CR1L: variants seen among roughly 807,000 people sequenced by gnomAD.
The protein encoded by CR1L is complement component receptor 1-like protein.
Under a neutral mutation model 62.3 loss-of-function variants are expected in CR1L, and 59 were observed. The observed-to-expected ratio is 0.95, with a 90% CI of 0.77 to 1.18. The LOEUF is 1.18. Ranked by LOEUF, CR1L falls within the 50% of genes most tolerant of loss-of-function variation. The pLI is 0.00. For missense variants in CR1L, 700 were observed against 702.8 expected (o/e 1.00, Z 0.04); for synonymous variants, 279 against 248.7 (o/e 1.12, Z -1.15).
chr1:207,674,193 A>G (rs933611919), intron 1 of CR1L, among the ~76,000 whole-genome samples: 2 of 152,178 alleles, frequency 1.3e-5, no homozygotes, highest in Admixed American at 1.3e-4. Flanking sequence ...AAGGAAGTGG[A>G]TGTTTGGATG....
chr1:207,713,753 G>A (rs947303617), intron 10 of CR1L, among the ~76,000 whole-genome samples: 1 of 152,248 alleles, frequency 6.6e-6, no homozygotes, highest in East Asian at 1.9e-4. Context: ...GGGTCCCCAC[G>A]ACCCCGAAGC....
chr1:207,664,617 T>A (rs1276428644), intron 1 of CR1L, among the ~76,000 whole-genome samples: 2 of 152,236 alleles, frequency 1.3e-5, no homozygotes, highest in Admixed American at 6.5e-5. Context: ...ATACTAAGTT[T>A]GTTGATACAG....
rs1218669416 is a variant in CR1L, at chr1:207,715,055, T to C, written c.1415-2409T>C. ...GTGATGCTGGGCTATGAAGTTTATATGGCACTTCAGCTCTGATTGCTTTGC... is the reference window on the plus strand; with the variant it reads ...GTGATGCTGGGCTATGAAGTTTATACGGCACTTCAGCTCTGATTGCTTTGC... On this transcript the variant is annotated intron_variant, in intron 10 of 11. Transcript: ENST00000508064. 2.6e-5 allele frequency among the ~76,000 whole-genome samples: 4 copies of C among 152,314 alleles called. No individual in the cohort carries two copies. In the East Asian group the frequency reaches 7.7e-4, roughly 29 times the overall value.
chr1:207,663,713 G>C lies in CR1L; in HGVS notation c.98-13676G>C, dbSNP rs192287224. Among the ~76,000 whole-genome samples, 34 of 152,276 alleles carry C rather than the reference G, an allele frequency of 2.2e-4. 1 individual carries two copies. Among genetic ancestry groups the C allele is most frequent in the African/African-American group, 8.2e-4 (34 of 41,568 alleles). The stretch of plus-strand genomic sequence containing the variant: ...GAAATGCAGAAATCACCCGTCTTCT[G>C]TGTCGCTCACACTGGGAGCTGTAGA... On this transcript the variant is annotated intron_variant, in intron 1 of 11. Transcript: ENST00000508064.
chr1:207,704,807 C>G (rs1293893841), intron 9 of CR1L, among the ~76,000 whole-genome samples: 4 of 152,176 alleles, frequency 2.6e-5, no homozygotes, highest in African/African-American at 9.7e-5. Context: ...ACAAACACAA[C>G]TTTTAGACTC....
chr1:207,714,014 C>G (rs756846426), intron 10 of CR1L, among the ~76,000 whole-genome samples: 1 of 152,240 alleles, frequency 6.6e-6, no homozygotes, highest in Admixed American at 6.5e-5. Context: ...CACTGTATTA[C>G]AGCCTTCTTC....
At chr1:207,710,901 T>G in intron 10 of CR1L, 1 of 1,053,754 alleles carries the variant, frequency 9.5e-7, no homozygotes, top group Non-Finnish European at 1.4e-6. Context: ...GAAAGTAAGT[T>G]TTGGGGGAAG....
intron 3 of CR1L, among the ~76,000 whole-genome samples, chr1:207,681,623 A>C (rs1047970106): frequency 4.6e-5 from 7 of 152,212 alleles, no homozygotes; most frequent in African/African-American, 1.4e-4. Context: ...TCAGTACTAC[A>C]ACACTGAACA....
At chr1:207,650,598 T>C (rs1455717109) in intron 1 of CR1L, among the ~76,000 whole-genome samples, 3 of 152,178 alleles carry the variant, frequency 2.0e-5, no homozygotes, top group African/African-American at 4.8e-5. Flanking sequence ...AAAAAGGTTT[T>C]AAATAGATTG....
chr1:207,695,499 G>A (rs1184375915), intron 5 of CR1L, among the ~76,000 whole-genome samples: 3 of 152,124 alleles, frequency 2.0e-5, no homozygotes, highest in Non-Finnish European at 4.4e-5. Context: ...CTTGCAGACT[G>A]AAGACTGAAA....
At chr1:207,685,528 T>C (rs1391851769) in intron 4 of CR1L, among the ~76,000 whole-genome samples, 1 of 152,226 alleles carries the variant, frequency 6.6e-6, no homozygotes, top group Non-Finnish European at 1.5e-5. Context: ...TTCTCTTCAG[T>C]CAAATCATTC....
chr1:207,713,755 C>A (rs1043382326), intron 10 of CR1L, among the ~76,000 whole-genome samples: 1 of 152,266 alleles, frequency 6.6e-6, no homozygotes, highest in Non-Finnish European at 1.5e-5. Context: ...GTCCCCACGA[C>A]CCCGAAGCCC....
chr1:207,720,865 A>G (rs986101213), intron 11 of CR1L, among the ~76,000 whole-genome samples: 1 of 152,112 alleles, frequency 6.6e-6, no homozygotes, highest in Admixed American at 6.5e-5. Context: ...CATTTCCATT[A>G]CCCAGTGTCC....
intron 4 of CR1L, among the ~76,000 whole-genome samples, chr1:207,688,995 A>G (rs1049170529): frequency 3.9e-5 from 6 of 152,046 alleles, no homozygotes; most frequent in African/African-American, 1.2e-4. Flanking sequence ...TTCCTTTCTT[A>G]TGTCTTTTGT....
At chr1:207,684,698 A>G (rs1397375767) in intron 4 of CR1L, among the ~76,000 whole-genome samples, 2 of 152,216 alleles carry the variant, frequency 1.3e-5, no homozygotes, top group African/African-American at 4.8e-5. Flanking sequence ...GAAGCACTTA[A>G]TGACTAGAAA....
At chr1:207,721,789 C>T (rs1232036063) in intron 11 of CR1L, among the ~76,000 whole-genome samples, 1 of 151,342 alleles carries the variant, frequency 6.6e-6, no homozygotes, top group Non-Finnish European at 1.5e-5. Flanking sequence ...AATGGTTGAA[C>T]TAGTTTACAG....
intron 4 of CR1L, 133 bp downstream of exon 4, chr1:207,684,090 A>T (rs1423797762): frequency 2.7e-6 from 2 of 742,006 alleles, no homozygotes; most frequent in Non-Finnish European, 4.1e-6. Context: ...TAATGTTCTC[A>T]GATATTCCTA....
chr1:207,665,120 C>T (rs11576446), intron 1 of CR1L, among the ~76,000 whole-genome samples: 5,826 of 152,188 alleles, frequency 0.038, 174 homozygotes, highest in South Asian at 0.12. Flanking sequence ...GTGGCATGAT[C>T]TCGGCTCACT....
rs561796425 is a variant in CR1L, at chr1:207,661,713, G to A, written c.98-15676G>A. Among the ~76,000 whole-genome samples, 667 of 152,122 alleles carry A rather than the reference G, an allele frequency of 4.4e-3. 2 individuals are homozygous for A. Among genetic ancestry groups the A allele is most frequent in the African/African-American group, 0.015 (633 of 41,502 alleles). ...ATGATGTTAGCTGGTTATTTTGCTCGTTAGTTGATGCAGTTTCTTCCTAGC... is the reference window on the plus strand; with the variant it reads ...ATGATGTTAGCTGGTTATTTTGCTCATTAGTTGATGCAGTTTCTTCCTAGC... On this transcript the variant is annotated intron_variant, in intron 1 of 11. Transcript: ENST00000508064.
Sources: gnomAD v4.1 joint callset for allele counts (sites outside exome capture counted in the v4.1 genomes callset) on GRCh38, gnomAD v4.1.1 for gene constraint, MANE v1.5 for transcripts, NCBI Gene and HGNC (gene_info 2026-07-23, HGNC 2026-07-21) for gene names.